WDFY3: variants seen among roughly 807,000 people sequenced by gnomAD.
WDFY3 encodes the protein WD repeat and FYVE domain-containing protein 3.
Under a neutral mutation model 409.6 loss-of-function variants are expected in WDFY3, and 66 were observed. The observed-to-expected ratio is 0.16, with a 90% CI of 0.13 to 0.20. The LOEUF is 0.20. Ranked by LOEUF, WDFY3 falls within the 10% of genes least tolerant of loss-of-function variation. The pLI is 1.00. For synonymous variants in WDFY3, 1,521 were observed against 1,537.1 expected, an observed-to-expected ratio of 0.99 and a Z score of 0.25; for missense variants, 3,031 against 4,298.1, an observed-to-expected ratio of 0.71 and a Z score of 8.24.
intron 1 of WDFY3, among the ~76,000 whole-genome samples, chr4:84,948,463 T>A (rs959771590): frequency 6.6e-6 from 1 of 152,196 alleles, no homozygotes; most frequent in Non-Finnish European, 1.5e-5. Flanking sequence ...CATCAAAGAA[T>A]GTCAAGCCCA....
At chr4:84,891,176 A>G (rs190435603) in intron 3 of WDFY3, among the ~76,000 whole-genome samples, 16 of 152,186 alleles carry the variant, frequency 1.1e-4, no homozygotes, top group African/African-American at 3.4e-4. Flanking sequence ...CCACTGGGAG[A>G]TGTTTTTAAA....
chr4:84,806,085 T>G (rs965143243), intron 15 of WDFY3, among the ~76,000 whole-genome samples: 1 of 152,096 alleles, frequency 6.6e-6, no homozygotes, highest in Non-Finnish European at 1.5e-5. Flanking sequence ...AAAAACACAG[T>G]CAAATTTTGG....
At chr4:84,789,995 T>A in intron 21 of WDFY3, 88 bp from the exon 22 acceptor site, 2 of 1,351,930 alleles carry the variant, frequency 1.5e-6, no homozygotes, top group Non-Finnish European at 2.0e-6. Context: ...GTTTTGACTT[T>A]ATGTTAAAAC....
intron 3 of WDFY3, among the ~76,000 whole-genome samples, chr4:84,896,491 T>G (rs1015520062): frequency 6.6e-6 from 1 of 152,094 alleles, no homozygotes. Flanking sequence ...TAAAAAAGCA[T>G]TTTTAGCCAT....
chr4:84,844,594 C>A (rs1483484551), intron 5 of WDFY3: 1 of 1,130,718 alleles, frequency 8.8e-7, no homozygotes. Context: ...GGGTCAACAT[C>A]ATCCAGTCTC....
At chr4:84,761,622 T>G (rs745406472) in intron 32 of WDFY3, among the ~76,000 whole-genome samples, 8 of 152,052 alleles carry the variant, frequency 5.3e-5, no homozygotes, top group African/African-American at 1.5e-4. Context: ...GGGATCTAAT[T>G]AAACTAAAGA....
In WDFY3 at chr4:84,782,821, T is replaced by C. The variant is rs950342031; in HGVS notation, c.4174+142A>G. On this transcript the variant is annotated intron_variant, in intron 25 of 67. Coordinates refer to ENST00000295888, the MANE Select transcript of WDFY3 (RefSeq NM_014991.6). ...TTGACTGGAATTTGAGATTGTTACA[T>C]GTAATCTCTGAATACTGCACGTACA... 1.4e-5 allele frequency: 9 copies of C among 628,618 alleles called. No homozygotes were observed. The Middle Eastern group carries it at 8.5e-4, about 59-fold the overall frequency. 38.9% of individuals were successfully genotyped at this position (628,618 alleles called of 1,614,324 possible). A position where few individuals can be genotyped will look rare whatever the true frequency, so the allele number is the denominator to read the frequency against.
intron 3 of WDFY3, among the ~76,000 whole-genome samples, chr4:84,880,572 A>G (rs918716013): frequency 2.7e-5 from 4 of 150,100 alleles, no homozygotes; most frequent in African/African-American, 9.8e-5. Flanking sequence ...GGAAACTCAC[A>G]TATATGTAGA....
chr4:84,685,564 G>C (rs1039279461), intron 62 of WDFY3, among the ~76,000 whole-genome samples: 1 of 152,202 alleles, frequency 6.6e-6, no homozygotes, highest in African/African-American at 2.4e-5. Context: ...CACTGGGCAA[G>C]ACCTTCTTCA....
At chr4:84,690,404 A>T in intron 61 of WDFY3, 102 bp downstream of exon 61, 5 of 1,530,274 alleles carry the variant, frequency 3.3e-6, no homozygotes, top group Non-Finnish European at 4.5e-6. Flanking sequence ...TGTCCATTAG[A>T]TCTGAAGTAC....
At chr4:84,832,981 A>G (rs999768093) in intron 7 of WDFY3, among the ~76,000 whole-genome samples, 1 of 152,140 alleles carries the variant, frequency 6.6e-6, no homozygotes, top group Non-Finnish European at 1.5e-5. Flanking sequence ...TTTCTATACA[A>G]GTAATAGAGG....
At position 84,733,292 on chromosome 4, in the gene WDFY3, G is replaced by A. The variant is rs995501351; in HGVS notation, c.7221+90C>T. 6.7e-6 allele frequency: 9 copies of A among 1,352,750 alleles called. No homozygotes were observed. The South Asian group carries it at 6.9e-5, about 10-fold the overall frequency. The allele number at this position is 1,352,750 out of a possible 1,614,324, so 83.8% of individuals were successfully genotyped here. A position where few individuals can be genotyped will look rare whatever the true frequency, so the allele number is the denominator to read the frequency against. On this transcript the variant is annotated intron_variant, in intron 44 of 67. Coordinates refer to ENST00000295888, the MANE Select transcript of WDFY3 (RefSeq NM_014991.6). ...GTTGAATTTTTAAAATTAGCTATTT[G>A]AGGTAATTGACTAAATAGAGAAAAA...
chr4:84,804,494 T>C (rs1751185121), intron 15 of WDFY3, among the ~76,000 whole-genome samples: 1 of 152,196 alleles, frequency 6.6e-6, no homozygotes, highest in Non-Finnish European at 1.5e-5. Context: ...CCGCTTTACT[T>C]ATAAAAAGGC....
intron 14 of WDFY3, 37 bp downstream of exon 14, chr4:84,809,850 T>G: frequency 6.3e-7 from 1 of 1,582,164 alleles, no homozygotes; most frequent in Non-Finnish European, 8.6e-7. Flanking sequence ...ATGCTTAGTA[T>G]ACACCCTTTA....
chr4:84,854,072 T>G (rs1361549284), intron 4 of WDFY3, among the ~76,000 whole-genome samples: 3 of 152,128 alleles, frequency 2.0e-5, no homozygotes, highest in Non-Finnish European at 2.9e-5. Context: ...ATAGGGTAGC[T>G]GAAAGAGAAT....
chr4:84,691,533 A>C, intron 60 of WDFY3, 98 bp downstream of exon 60: 1 of 1,321,718 alleles, frequency 7.6e-7, no homozygotes, highest in South Asian at 1.6e-5. Context: ...ACAGCTGACA[A>C]GCCCTTGGAC....
intron 36 of WDFY3, among the ~76,000 whole-genome samples, chr4:84,744,001 G>A (rs977420556): frequency 6.7e-6 from 1 of 150,272 alleles, no homozygotes; most frequent in African/African-American, 2.4e-5. Flanking sequence ...AAAATTTAAA[G>A]CAAAGGTGAA....
intron 3 of WDFY3, among the ~76,000 whole-genome samples, chr4:84,886,806 T>C (rs1764295664): frequency 6.6e-6 from 1 of 152,114 alleles, no homozygotes; most frequent in Non-Finnish European, 1.5e-5. Flanking sequence ...CAAAAAGTCA[T>C]GCTGGGAATA....
At chr4:84,717,888 A>C (rs2149060983) in intron 48 of WDFY3, among the ~76,000 whole-genome samples, 1 of 151,982 alleles carries the variant, frequency 6.6e-6, no homozygotes, top group African/African-American at 2.4e-5. Context: ...CTCTACTAAA[A>C]ATACAAAAAA....
Sources: allele counts gnomAD v4.1 joint callset (sites outside exome capture counted in the v4.1 genomes callset), GRCh38; gene constraint gnomAD v4.1.1; transcripts MANE v1.5; gene names NCBI Gene and HGNC (gene_info 2026-07-23, HGNC 2026-07-21).